ROBO2: variants seen among roughly 807,000 people sequenced by gnomAD.
ROBO2 encodes the protein roundabout guidance receptor 2.
ROBO2 carries 53 observed loss-of-function variants against 160.8 expected under a neutral mutation model. The observed-to-expected ratio is 0.33, with a 90% CI of 0.26 to 0.41. The LOEUF (loss-of-function observed/expected upper bound fraction) is 0.41, where lower values mean the gene tolerates loss of function less well. Ranked by LOEUF, ROBO2 falls within the 10% of genes least tolerant of loss-of-function variation. ROBO2 has a pLI of 1.00. For synonymous variants in ROBO2, 664 were observed against 611.7 expected (o/e 1.09, Z -1.26); for missense variants, 1,577 against 1,722.4 (o/e 0.92, Z 1.49).
intron 2 of ROBO2, among the ~76,000 whole-genome samples, chr3:76,895,156 C>T (rs2074669637): frequency 6.6e-6 from 1 of 151,848 alleles, no homozygotes; most frequent in South Asian, 2.1e-4. Flanking sequence ...CTTACATTCT[C>T]TTGTTGAAGT....
chr3:77,049,843 A>T (rs1347297352), intron 1 of ROBO2, among the ~76,000 whole-genome samples: 1 of 152,198 alleles, frequency 6.6e-6, no homozygotes, highest in East Asian at 1.9e-4. Context: ...AGTTGAAACC[A>T]GACTGGAATT....
intron 2 of ROBO2, among the ~76,000 whole-genome samples, chr3:76,835,122 C>T (rs1327333429): frequency 1.3e-5 from 2 of 151,832 alleles, no homozygotes; most frequent in Non-Finnish European, 2.9e-5. Flanking sequence ...TTACCAAAAA[C>T]GTCACATTCC....
At chr3:77,004,232 C>T (rs1018097339) in intron 2 of ROBO2, among the ~76,000 whole-genome samples, 1 of 152,136 alleles carries the variant, frequency 6.6e-6, no homozygotes, top group African/African-American at 2.4e-5. Flanking sequence ...TGATTATTGA[C>T]ATTAATTAAA....
At chr3:76,455,561 ATAGATT>A (rs1473251782) in intron 2 of ROBO2, among the ~76,000 whole-genome samples, 1 of 152,164 alleles carries the variant, frequency 6.6e-6, no homozygotes, top group Non-Finnish European at 1.5e-5. Flanking sequence ...ATATTTGCCT[ATAGATT>A]TAGTCATTCT....
intron 21 of ROBO2, among the ~76,000 whole-genome samples, chr3:77,614,740 ACC>A (rs762238237): frequency 0.026 from 3,927 of 151,044 alleles, 155 homozygotes; most frequent in East Asian, 0.2. Context: ...CAACCAACCA[ACC>A]AACCAACCAA....
Position 77,098,239 on chromosome 3 carries a change from T to C in ROBO2, c.287T>C (p.Val96Ala), listed in dbSNP as rs777370128. The C allele has an allele frequency of 1.2e-6, 2 of 1,614,168 alleles. No individual in the cohort carries two copies. The highest frequency in any genetic ancestry group is 1.7e-6 in the Non-Finnish European group (2 of 1,180,032). The change falls in exon 2 of 26, where the codon GTG (valine) becomes GCG (alanine). Residue 96 changes from valine to alanine, a missense_variant. Coordinates refer to ENST00000461745, the Ensembl canonical transcript of ROBO2. ...GGATCCTTATTCTTCTTGCGCATCGTGCACGGGCGCAGGAGTAAACCTGAT... is the reference window on the plus strand; with the variant it reads ...GGATCCTTATTCTTCTTGCGCATCGCGCACGGGCGCAGGAGTAAACCTGAT...
At chr3:77,360,765 TGTGTCTGGGCCCCATC>T (rs2069852209) in intron 2 of ROBO2, among the ~76,000 whole-genome samples, 1 of 152,140 alleles carries the variant, frequency 6.6e-6, no homozygotes, top group Non-Finnish European at 1.5e-5. Context: ...AGCAAATTGC[TGTGTCTGGGCCCCATC>T]TCCACATTTT....
At chr3:77,059,198 G>A (rs549749397) in intron 1 of ROBO2, among the ~76,000 whole-genome samples, 5 of 152,242 alleles carry the variant, frequency 3.3e-5, no homozygotes, top group African/African-American at 1.2e-4. Flanking sequence ...AGTGAGATCT[G>A]AGAAAAGAAT....
chr3:76,130,110 G>A (rs1313413249), intron 2 of ROBO2, among the ~76,000 whole-genome samples: 2 of 152,084 alleles, frequency 1.3e-5, no homozygotes. Context: ...GATGTGGAGA[G>A]ATGGGAATTT....
intron 2 of ROBO2, among the ~76,000 whole-genome samples, chr3:76,389,402 G>A (rs995764294): frequency 2.6e-5 from 4 of 152,186 alleles, no homozygotes; most frequent in Non-Finnish European, 5.9e-5. Context: ...TAGTGTCAAG[G>A]TGGAACTCTG....
At chr3:76,841,375 G>T (rs2148470701) in intron 2 of ROBO2, among the ~76,000 whole-genome samples, 1 of 152,190 alleles carries the variant, frequency 6.6e-6, no homozygotes, top group East Asian at 1.9e-4. Context: ...ACTTATAGAT[G>T]CCAACACCAC....
chr3:76,433,932 A>T, intron 2 of ROBO2: 1 of 651,908 alleles, frequency 1.5e-6, no homozygotes. Flanking sequence ...GAATTTATTT[A>T]TCCATCTTGG....
At position 77,361,125 on chromosome 3, in the gene ROBO2, A is replaced by G. The variant is rs1287977026; in HGVS notation, c.389-116289A>G. On this transcript the variant is annotated intron_variant, in intron 2 of 25. Transcript: ENST00000461745. ...AATTAGCAAATTAATTGTACTTTTC[A>G]TAAAATACCTTTTTAAAGTAAGGTT... 3.9e-5 allele frequency among the ~76,000 whole-genome samples: 6 copies of G among 152,276 alleles called. No individual in the cohort carries two copies. In the East Asian group the frequency reaches 9.7e-4, roughly 25 times the overall value.
At chr3:76,972,411 C>T (rs946598847) in intron 2 of ROBO2, among the ~76,000 whole-genome samples, 5 of 151,668 alleles carry the variant, frequency 3.3e-5, no homozygotes, top group South Asian at 4.1e-4. Context: ...TTCTTTCTGA[C>T]TCCTAAGTTT....
intron 16 of ROBO2, among the ~76,000 whole-genome samples, chr3:77,585,602 C>T (rs1266200950): frequency 6.6e-6 from 1 of 151,972 alleles, no homozygotes; most frequent in Admixed American, 6.6e-5. Flanking sequence ...AATAGAATTA[C>T]AGAAATTCTA....
At chr3:77,262,164 A>G (rs1471085233) in intron 2 of ROBO2, among the ~76,000 whole-genome samples, 1 of 152,152 alleles carries the variant, frequency 6.6e-6, no homozygotes, top group Non-Finnish European at 1.5e-5. Flanking sequence ...CATTTCATAC[A>G]ATAGCTGGAG....
intron 2 of ROBO2, among the ~76,000 whole-genome samples, chr3:76,861,343 T>G (rs1023447347): frequency 6.6e-6 from 1 of 152,220 alleles, no homozygotes; most frequent in Non-Finnish European, 1.5e-5. Flanking sequence ...TGGGTTGTTT[T>G]GAGGATTAGA....
chr3:76,953,318 A>G (rs1485147330), intron 2 of ROBO2, among the ~76,000 whole-genome samples: 5 of 152,228 alleles, frequency 3.3e-5, no homozygotes, highest in Non-Finnish European at 7.3e-5. Flanking sequence ...TTCGATTACA[A>G]TAGGTGGCAC....
At chr3:76,944,971 C>A (rs1404122001) in intron 2 of ROBO2, among the ~76,000 whole-genome samples, 5 of 151,906 alleles carry the variant, frequency 3.3e-5, no homozygotes, top group Non-Finnish European at 7.4e-5. Context: ...TCACTGCAAA[C>A]TCTGCCTCCC....
Sources: gnomAD v4.1 joint callset for allele counts (sites outside exome capture counted in the v4.1 genomes callset) on GRCh38, gnomAD v4.1.1 for gene constraint, MANE v1.5 for transcripts, NCBI Gene and HGNC (gene_info 2026-07-23, HGNC 2026-07-21) for gene names.